The following CDH18 variants were observed in gnomAD, a reference collection of about 807,000 sequenced individuals.
The protein encoded by CDH18 is cadherin 18.
Under a neutral mutation model 67.9 loss-of-function variants are expected in CDH18, and 31 were observed. The ratio of observed to expected loss-of-function variants is 0.46; its 90% CI spans 0.34 to 0.62. CDH18 has a LOEUF of 0.62. CDH18 is among the 20% of genes least tolerant of loss of function. The probability of loss-of-function intolerance (pLI) is 0.01; values close to 1 mark genes in which losing one functional copy is unlikely to be tolerated. For missense variants in CDH18, 890 were observed against 975.5 expected, an observed-to-expected ratio of 0.91 and a Z score of 1.17; for synonymous variants, 362 against 347.2, an observed-to-expected ratio of 1.04 and a Z score of -0.48.
intron 5 of CDH18, among the ~76,000 whole-genome samples, chr5:19,719,534 T>C (rs1401666072): frequency 1.3e-5 from 2 of 152,030 alleles, no homozygotes; most frequent in Admixed American, 1.3e-4. Flanking sequence ...TCTAAGCTCT[T>C]CTAATGAATA....
intron 1 of CDH18, chr5:20,305,303 C>G (rs575103944): frequency 1.3e-6 from 2 of 1,546,930 alleles, no homozygotes; most frequent in African/African-American, 2.7e-5. Flanking sequence ...CTGTCAGATT[C>G]GAATCCAACA....
intron 2 of CDH18, among the ~76,000 whole-genome samples, chr5:20,003,541 T>A (rs968656146): frequency 2.6e-5 from 4 of 152,152 alleles, no homozygotes; most frequent in Non-Finnish European, 5.9e-5. Context: ...CTCTTCCCTG[T>A]CCTACAACCT....
chr5:20,024,395 A>G (rs1257788703), intron 2 of CDH18, among the ~76,000 whole-genome samples: 1 of 152,192 alleles, frequency 6.6e-6, no homozygotes, highest in Non-Finnish European at 1.5e-5. Context: ...ATGTTGTATA[A>G]AATCTCCTTT....
intron 1 of CDH18, among the ~76,000 whole-genome samples, chr5:20,407,752 A>G (rs1457207353): frequency 6.6e-6 from 1 of 151,894 alleles, no homozygotes; most frequent in Non-Finnish European, 1.5e-5. Context: ...TGAAGAAAAC[A>G]TAAGGCACTT....
At chr5:20,465,734 T>A (rs1561031049) in intron 1 of CDH18, among the ~76,000 whole-genome samples, 1 of 152,034 alleles carries the variant, frequency 6.6e-6, no homozygotes, top group Admixed American at 6.6e-5. Flanking sequence ...ATACTGATCA[T>A]AATTTCTTTT....
intron 2 of CDH18, among the ~76,000 whole-genome samples, chr5:19,842,233 C>T (rs532856399): frequency 6.6e-6 from 1 of 152,280 alleles, no homozygotes; most frequent in African/African-American, 2.4e-5. Flanking sequence ...CACCACTAGT[C>T]ACTTAGGCAC....
At chr5:19,930,229 G>T (rs1793531272) in intron 2 of CDH18, among the ~76,000 whole-genome samples, 1 of 151,978 alleles carries the variant, frequency 6.6e-6, no homozygotes, top group Admixed American at 6.6e-5. Flanking sequence ...TAGTAACCCT[G>T]GGATTCCAAC....
intron 2 of CDH18, among the ~76,000 whole-genome samples, chr5:20,254,114 T>C (rs1259587138): frequency 6.6e-6 from 1 of 152,146 alleles, no homozygotes; most frequent in Non-Finnish European, 1.5e-5. Context: ...CATTAGTTTT[T>C]TGTTTTTTGT....
At chr5:20,009,215 C>G (rs954527190) in intron 2 of CDH18, among the ~76,000 whole-genome samples, 27 of 152,074 alleles carry the variant, frequency 1.8e-4, no homozygotes, top group Non-Finnish European at 4.4e-5. Flanking sequence ...GATTCTATTT[C>G]TCTGGACTTA....
At chr5:20,058,380 AC>A (rs1302697224) in intron 2 of CDH18, among the ~76,000 whole-genome samples, 1 of 152,102 alleles carries the variant, frequency 6.6e-6, no homozygotes, top group Non-Finnish European at 1.5e-5. Context: ...ATTAAGTAGC[AC>A]AGTTAATTTA....
At chr5:20,225,543 C>T (rs1741556484) in intron 2 of CDH18, among the ~76,000 whole-genome samples, 1 of 152,060 alleles carries the variant, frequency 6.6e-6, no homozygotes, top group Non-Finnish European at 1.5e-5. Context: ...TTCATAGGCT[C>T]ACTACAGTAC....
In CDH18 at chr5:20,369,247, T is replaced by C. The variant is rs145750475; in HGVS notation, c.-579-113742A>G. Reference sequence around the variant, plus strand: ...TGTGCTCCATTGAATTGAATCCAAATTGTTTTAGCTGTTATACACAGGAAA... The same window carrying C: ...TGTGCTCCATTGAATTGAATCCAAACTGTTTTAGCTGTTATACACAGGAAA... On this transcript the variant is annotated intron_variant, in intron 1 of 14. Coordinates refer to the CDH18 transcript ENST00000507958. 1.6e-4 allele frequency among the ~76,000 whole-genome samples: 25 copies of C among 152,034 alleles called. No individual in the cohort carries two copies. In the East Asian group the frequency reaches 4.3e-3, roughly 26 times the overall value.
chr5:19,965,870 A>G (rs1256544768), intron 2 of CDH18, among the ~76,000 whole-genome samples: 3 of 152,184 alleles, frequency 2.0e-5, no homozygotes, highest in African/African-American at 7.2e-5. Flanking sequence ...CGCCATGTCA[A>G]TAAACAGCTA....
chr5:20,373,640 A>C (rs1185364443), intron 1 of CDH18, among the ~76,000 whole-genome samples: 2 of 139,984 alleles, frequency 1.4e-5, no homozygotes, highest in Non-Finnish European at 1.5e-5. Context: ...CTGAAAAATA[A>C]ATATAAATAA....
chr5:19,626,571 A>G (rs4394124), intron 5 of CDH18, among the ~76,000 whole-genome samples: 116,185 of 151,962 alleles, frequency 0.76, 44,502 homozygotes, highest in South Asian at 0.8. Context: ...TATTCTGAGA[A>G]CTATAAACAG....
At chr5:19,733,277 T>C (rs977101578) in intron 4 of CDH18, among the ~76,000 whole-genome samples, 2 of 152,196 alleles carry the variant, frequency 1.3e-5, no homozygotes, top group Admixed American at 1.3e-4. Context: ...TCACCTATTT[T>C]ACATATACCT....
At chr5:20,093,122 A>C (rs1745586313) in intron 2 of CDH18, among the ~76,000 whole-genome samples, 1 of 152,140 alleles carries the variant, frequency 6.6e-6, no homozygotes, top group African/African-American at 2.4e-5. Context: ...CTGCATTCCC[A>C]ACAACTTGGG....
At chr5:19,801,842 T>TC (rs202240936) in intron 3 of CDH18, among the ~76,000 whole-genome samples, 1 of 151,982 alleles carries the variant, frequency 6.6e-6, no homozygotes, top group African/African-American at 2.4e-5. Context: ...TATTGACAGT[T>TC]CCCCCCCAAC....
At chr5:20,521,423 CT>C (rs1755737310) in intron 1 of CDH18, among the ~76,000 whole-genome samples, 1 of 151,926 alleles carries the variant, frequency 6.6e-6, no homozygotes, top group Non-Finnish European at 1.5e-5. Flanking sequence ...GCAAATAAGA[CT>C]TAGGAGTTTG....
Sources: allele counts gnomAD v4.1 joint callset (sites outside exome capture counted in the v4.1 genomes callset), GRCh38; gene constraint gnomAD v4.1.1; transcripts MANE v1.5; gene names NCBI Gene and HGNC (gene_info 2026-07-23, HGNC 2026-07-21).